The following RANBP3 variants were observed in gnomAD, a reference collection of about 807,000 sequenced individuals.
RANBP3 encodes ran-binding protein 3.
A neutral mutation model predicts 77.3 loss-of-function variants in RANBP3; 14 were observed. The ratio of observed to expected loss-of-function variants is 0.18; its 90% CI spans 0.12 to 0.28. The LOEUF is 0.28. Ranked by LOEUF, RANBP3 falls within the 10% of genes least tolerant of loss-of-function variation. RANBP3 has a pLI of 1.00. For synonymous variants in RANBP3, 315 were observed against 312.4 expected (o/e 1.01, Z -0.09); for missense variants, 586 against 752.3 (o/e 0.78, Z 2.59).
chr19:5,965,507 T>A (rs958150669), intron 1 of RANBP3, among the ~76,000 whole-genome samples: 1 of 152,176 alleles, frequency 6.6e-6, no homozygotes, highest in Non-Finnish European at 1.5e-5. Flanking sequence ...ATTCTGTGTC[T>A]ATTTCAGAGG....
intron 1 of RANBP3, among the ~76,000 whole-genome samples, chr19:5,963,295 G>A (rs745765570): frequency 8.5e-5 from 13 of 152,218 alleles, no homozygotes; most frequent in Non-Finnish European, 1.5e-4. Context: ...GCTCATGTTT[G>A]TAATCCCAGC....
In RANBP3 at chr19:5,924,760, C is replaced by G; in HGVS notation, c.996+67G>C. 1 of 1,475,742 alleles carries G rather than the reference C, an allele frequency of 6.8e-7. No homozygotes were observed. Among genetic ancestry groups the G allele is most frequent in the South Asian group, 1.1e-5 (1 of 88,130 alleles). 91.4% of individuals were successfully genotyped at this position (1,475,742 alleles called of 1,614,324 possible). A position where few individuals can be genotyped will look rare whatever the true frequency, so the allele number is the denominator to read the frequency against. The stretch of plus-strand genomic sequence containing the variant: ...GACACAGCAGCCCTGCTCTCCATGT[C>G]CCCTTGACCTGTGGCTGGCGCCGAG... On this transcript the variant is annotated intron_variant, in intron 11 of 16. Coordinates refer to ENST00000340578, the MANE Select transcript of RANBP3 (RefSeq NM_007322.3). This position sits in a 1 kb window ranked among gnomAD's most constrained non-coding sequence, Gnocchi z 4.7.
intron 3 of RANBP3, among the ~76,000 whole-genome samples, chr19:5,943,854 C>T (rs189867984): frequency 2.0e-4 from 31 of 152,330 alleles, no homozygotes; most frequent in Admixed American, 8.5e-4. Flanking sequence ...GAAAATACCA[C>T]TGAGTCCAAA....
chr19:5,934,777 T>C (rs904875408), intron 5 of RANBP3, among the ~76,000 whole-genome samples: 4 of 152,218 alleles, frequency 2.6e-5, no homozygotes, highest in Admixed American at 1.3e-4. Context: ...GAGGTTACAG[T>C]TGAGTTACGA....
intron 2 of RANBP3, among the ~76,000 whole-genome samples, chr19:5,955,171 G>A (rs529915070): frequency 8.0e-4 from 122 of 152,022 alleles, no homozygotes; most frequent in African/African-American, 2.2e-3. Flanking sequence ...TCACTCTGTC[G>A]CCCAGGCTGG....
chr19:5,933,584 G>C, intron 5 of RANBP3, 105 bp from the exon 6 acceptor site: 1 of 803,044 alleles, frequency 1.2e-6, no homozygotes, highest in East Asian at 2.9e-5. Flanking sequence ...AGTGACTTCG[G>C]GCCTGGAGAA....
chr19:5,941,160 G>A (rs984001053), intron 5 of RANBP3, among the ~76,000 whole-genome samples: 3 of 152,238 alleles, frequency 2.0e-5, no homozygotes, highest in Admixed American at 6.5e-5. Context: ...TGGTTACCGT[G>A]TGTGTGTGCA....
At chr19:5,919,631 G>C (rs2057791289) in intron 14 of RANBP3, among the ~76,000 whole-genome samples, 1 of 152,192 alleles carries the variant, frequency 6.6e-6, no homozygotes, top group Non-Finnish European at 1.5e-5. Flanking sequence ...GGGCACAGTG[G>C]CTCAAGCCTG....
intron 3 of RANBP3, among the ~76,000 whole-genome samples, chr19:5,945,055 C>A (rs763818055): frequency 3.9e-5 from 6 of 152,314 alleles, no homozygotes; most frequent in Non-Finnish European, 1.5e-5. Context: ...GACCTCCAGG[C>A]CCCTTATACT....
rs915757305 is a variant in RANBP3, at chr19:5,932,634, G to T, written c.473-90C>A. 5 of 1,002,476 alleles carry T rather than the reference G, an allele frequency of 5.0e-6. No homozygotes were observed. The African/African-American group carries it at 8.1e-5, about 16-fold the overall frequency. The allele number at this position is 1,002,476 out of a possible 1,614,324, so 62.1% of individuals were successfully genotyped here. ...ACTGACCCCTGGCATCCCATTTCAT[G>T]CCCCTTGCAGGCTAGACTTTGCAGG... On this transcript the variant is annotated intron_variant, in intron 6 of 16. Coordinates refer to ENST00000340578, the MANE Select transcript of RANBP3 (RefSeq NM_007322.3).
In RANBP3 at chr19:5,967,638, G is replaced by A. The variant is rs560147923; in HGVS notation, c.23-9665C>T. ...AACCCTTCTAAGCTTCCACTCCTGC[G>A]CCACCCAGACCGTAAGCCCCGGGGG... On this transcript the variant is annotated intron_variant, in intron 1 of 16. Transcript: ENST00000340578. Among the ~76,000 whole-genome samples the A allele has an allele frequency of 2.0e-4, 30 of 152,032 alleles. 1 individual carries two copies. Among genetic ancestry groups the A allele is most frequent in the Admixed American group, 1.8e-3 (27 of 15,278 alleles).
intron 3 of RANBP3, among the ~76,000 whole-genome samples, chr19:5,948,087 A>T (rs958147096): frequency 6.6e-6 from 1 of 152,238 alleles, no homozygotes; most frequent in Non-Finnish European, 1.5e-5. Context: ...ACAAGGAAGA[A>T]GCAGGAAGGA....
chr19:5,969,560 C>T (rs1295411092), intron 1 of RANBP3, among the ~76,000 whole-genome samples: 9 of 152,246 alleles, frequency 5.9e-5, no homozygotes, highest in East Asian at 5.8e-4. Context: ...ACAGCGACAG[C>T]GAAATGCAGT....
intron 5 of RANBP3, among the ~76,000 whole-genome samples, chr19:5,935,144 T>C (rs965068948): frequency 2.6e-5 from 4 of 152,156 alleles, no homozygotes; most frequent in Admixed American, 2.6e-4. Context: ...CAGCCCAAAT[T>C]TTCAGACTCC....
At chr19:5,967,164 G>C (rs538459136) in intron 1 of RANBP3, among the ~76,000 whole-genome samples, 9 of 152,316 alleles carry the variant, frequency 5.9e-5, no homozygotes, top group African/African-American at 1.4e-4. Flanking sequence ...TGTATAGCAT[G>C]CTCGGGTTCT....
At chr19:5,971,429 G>C (rs116912174) in intron 1 of RANBP3, among the ~76,000 whole-genome samples, 4,925 of 152,070 alleles carry the variant, frequency 0.032, 118 homozygotes, top group Non-Finnish European at 0.051. Context: ...CTCCCAAGTA[G>C]CTGGGACTGC....
rs2145169067 is a variant in RANBP3, at chr19:5,947,771, C to T, written c.282+3622G>A. ...GGCGGGGTGGGGGCTGGTGGCGCAA[C>T]AAGCTCCCCACCGGCAGCCATAGGG... On this transcript the variant is annotated intron_variant, in intron 3 of 16. Transcript: ENST00000340578. Among the ~76,000 whole-genome samples the T allele has an allele frequency of 1.3e-5, 2 of 152,228 alleles. 1 individual carries two copies. Among genetic ancestry groups the T allele is most frequent in the Middle Eastern group, 6.8e-3 (2 of 294 alleles).
chr19:5,939,636 A>C (rs924440458), intron 5 of RANBP3, among the ~76,000 whole-genome samples: 1 of 152,188 alleles, frequency 6.6e-6, no homozygotes, highest in Non-Finnish European at 1.5e-5. Context: ...AACAGCATGA[A>C]TGGGTGGGGT....
At chr19:5,923,690 T>C (rs1393121426) in intron 12 of RANBP3, 122 bp downstream of exon 12, 2 of 717,350 alleles carry the variant, frequency 2.8e-6, no homozygotes, top group Admixed American at 4.8e-5. Flanking sequence ...CTGGTTCACA[T>C]GTGGTTGTTA....
Sources: gnomAD v4.1 joint callset for allele counts (sites outside exome capture counted in the v4.1 genomes callset) on GRCh38, gnomAD v4.1.1 for gene constraint, Gnocchi (gnomAD v3.1) non-coding constraint, MANE v1.5 for transcripts, NCBI Gene and HGNC (gene_info 2026-07-23, HGNC 2026-07-21) for gene names.